EPN3: variants seen among roughly 807,000 people sequenced by gnomAD.
The protein encoded by EPN3 is epsin-3.
Under a neutral mutation model 55.5 loss-of-function variants are expected in EPN3, and 56 were observed. The observed-to-expected ratio is 1.01, with a 90% CI of 0.81 to 1.26. The LOEUF (loss-of-function observed/expected upper bound fraction) is 1.26, where lower values mean the gene tolerates loss of function less well. Among genes scored for constraint, EPN3 ranks in the 50% most tolerant of loss-of-function variants. The pLI, the probability that EPN3 is intolerant of heterozygous loss-of-function variation, is 0.00. For missense variants in EPN3, 927 were observed against 853.4 expected (o/e 1.09, Z -1.07); for synonymous variants, 449 against 375.2 (o/e 1.20, Z -2.27).
At chr17:50,537,336 T>A in intron 2 of EPN3, 1 of 589,424 alleles carries the variant, frequency 1.7e-6, no homozygotes, top group Non-Finnish European at 3.0e-6. Context: ...TTATCATTCG[T>A]TAGCTGCCTG....
rs1468272414 is a variant in EPN3 at position 50,541,323 on chromosome 17, C to A, written c.1344C>A (p.Ser448Arg). The A allele has an allele frequency of 1.2e-6, 2 of 1,612,212 alleles. No individual in the cohort carries two copies. Among genetic ancestry groups the A allele is most frequent in the African/African-American group, 2.7e-5 (2 of 74,918 alleles). The change falls in exon 8 of 10, where the codon AGC becomes AGA. Residue 448 changes from serine (S) to arginine (R), a missense_variant. Coordinates refer to ENST00000268933, the MANE Select transcript of EPN3 (RefSeq NM_017957.3). ...AGGCCCTGCCCTCTGGGAAGCCCAG[C>A]AGCCCTGTGGGTGAGCAGGGCAAGG... ...LEQALPSGKP[S>R]SPVELDLFGD...
chr17:50,535,021 G>A (rs1218118229), intron 1 of EPN3, among the ~76,000 whole-genome samples: 2 of 152,196 alleles, frequency 1.3e-5, no homozygotes, highest in East Asian at 1.9e-4. Flanking sequence ...GGTGGTCAGG[G>A]AATTCCTCTT....
chr17:50,535,805 CAATATG>C (rs2034751276), intron 1 of EPN3, among the ~76,000 whole-genome samples: 1 of 152,166 alleles, frequency 6.6e-6, no homozygotes, highest in Non-Finnish European at 1.5e-5. Flanking sequence ...CAAAAATTAA[CAATATG>C]AGAAAAGTGA....
chr17:50,540,829 G>A lies in EPN3; in HGVS notation c.1016G>A (p.Trp339Ter), dbSNP rs2034838322. The change falls in exon 7 of 10, where the codon TGG becomes TAG. Residue 339 changes from tryptophan to a stop codon, truncating the protein, a stop_gained. Transcript: ENST00000268933. LOFTEE classifies it high-confidence loss of function. Reference sequence around the variant, plus strand: ...AACACAGAGGCCAGTGGATCCTCCTGGGGGCCTTCTGCAGACCCCTGGTCT... The same window carrying A: ...AACACAGAGGCCAGTGGATCCTCCTAGGGGCCTTCTGCAGACCCCTGGTCT... Reference protein sequence around the residue: ...RPNTEASGSSWGPSADPWSPI... With the variant: ...RPNTEASGSS The A allele has an allele frequency of 1.2e-6, 2 of 1,613,610 alleles. No homozygotes were observed. Among genetic ancestry groups the A allele is most frequent in the African/African-American group, 2.7e-5 (2 of 74,932 alleles).
chr17:50,534,788 G>C (rs1230424398), intron 1 of EPN3: 1 of 406,724 alleles, frequency 2.5e-6, no homozygotes, highest in Non-Finnish European at 3.3e-6. Context: ...AGCACTGGCG[G>C]GGCTGGGGTG....
rs2034875965 is a variant in EPN3 at position 50,543,613 on chromosome 17, C to T, written c.*1456C>T. 1 of 152,220 alleles carries T rather than the reference C, an allele frequency of 6.6e-6. No individual in the cohort carries two copies. Among genetic ancestry groups the T allele is most frequent in the Admixed American group, 6.5e-5 (1 of 15,286 alleles). 9.4% of individuals were successfully genotyped at this position (152,220 alleles called of 1,614,324 possible). The stretch of plus-strand genomic sequence containing the variant: ...GGGAGTCCCACAATGCAGTTACAAA[C>T]AGGATGGACAAGAACACCTGCTCAG... On this transcript the variant is annotated 3_prime_UTR_variant, in exon 10 of 10. Coordinates refer to ENST00000268933, the MANE Select transcript of EPN3 (RefSeq NM_017957.3).
chr17:50,540,677 C>T, intron 6 of EPN3, 116 bp from the exon 7 acceptor site: 1 of 1,361,618 alleles, frequency 7.3e-7, no homozygotes, highest in Non-Finnish European at 1.0e-6. Context: ...CCTGAGGCTG[C>T]AGGCCATCTG....
chr17:50,541,883 G>A lies in EPN3; in HGVS notation c.1625G>A (p.Gly542Asp), dbSNP rs1196701174. Residue 542 changes from glycine (G) to aspartate (D), a missense_variant, in exon 10 of 10, where the codon GGC becomes GAC. Transcript: ENST00000268933. Reference sequence around the variant, plus strand: ...TCCCCCACCAACCCGTTCGGCGCGGGCGAGCCGGGCAGGCCGACGCTAAAC... The same window carrying A: ...TCCCCCACCAACCCGTTCGGCGCGGACGAGCCGGGCAGGCCGACGCTAAAC... ...APSPTNPFGA[G>D]EPGRPTLNQM... 1.9e-6 allele frequency: 3 copies of A among 1,607,996 alleles called. No homozygotes were observed. The highest frequency in any genetic ancestry group is 2.7e-5 in the African/African-American group (2 of 75,050).
chr17:50,533,490 G>A (rs964734594), intron 1 of EPN3, among the ~76,000 whole-genome samples: 2 of 152,180 alleles, frequency 1.3e-5, no homozygotes, highest in African/African-American at 2.4e-5. Flanking sequence ...AGCAGAGGAC[G>A]GGAAGAGGGT....
intron 1 of EPN3, chr17:50,534,386 G>C: frequency 2.0e-6 from 2 of 983,314 alleles, no homozygotes; most frequent in African/African-American, 1.7e-5. Context: ...GGCCAGGGCA[G>C]CCAGGTCCAG....
intron 1 of EPN3, among the ~76,000 whole-genome samples, 168 bp downstream of exon 1, chr17:50,533,153 G>A (rs1249838153): frequency 6.6e-5 from 10 of 151,176 alleles, no homozygotes; most frequent in African/African-American, 2.2e-4. Flanking sequence ...CCTCCCTGCC[G>A]CCCCCAAAAA....
At chr17:50,540,438 C>T (rs2034831251) in intron 6 of EPN3, 104 bp downstream of exon 6, 5 of 1,080,654 alleles carry the variant, frequency 4.6e-6, no homozygotes, top group South Asian at 1.5e-5. Context: ...TGAGTGTCAC[C>T]GGGCAAGTCA....
chr17:50,538,534 A>G, intron 3 of EPN3: 1 of 390,368 alleles, frequency 2.6e-6, no homozygotes, highest in South Asian at 6.2e-5. Context: ...CCCGCCCACC[A>G]GCTATCCTTT....
chr17:50,533,648 TCCC>T (rs894032539), intron 1 of EPN3, among the ~76,000 whole-genome samples: 1 of 151,904 alleles, frequency 6.6e-6, no homozygotes, highest in African/African-American at 2.4e-5. Context: ...ACTCTCCAGA[TCCC>T]CCCATCCTGC....
chr17:50,536,221 G>A (rs2034758384), intron 1 of EPN3, 200 bp from the exon 2 acceptor site: 3 of 330,668 alleles, frequency 9.1e-6, no homozygotes, highest in African/African-American at 6.3e-5. Context: ...AGCATCTTTG[G>A]GGTGTGGCTG....
At chr17:50,541,779 C>T in intron 9 of EPN3, 65 bp from the exon 10 acceptor site, 1 of 1,608,488 alleles carries the variant, frequency 6.2e-7, no homozygotes, top group Non-Finnish European at 8.5e-7. Flanking sequence ...TTCTTCCCAA[C>T]TTCCACGACC....
chr17:50,534,264 G>A (rs558262807), intron 1 of EPN3, among the ~76,000 whole-genome samples: 6 of 152,342 alleles, frequency 3.9e-5, no homozygotes, highest in Admixed American at 1.3e-4. Context: ...AGCCCCTGCA[G>A]GGGTGTGCAG....
Position 50,540,858 on chromosome 17 carries a change from A to T in EPN3, c.1045A>T (p.Ile349Phe), listed in dbSNP as rs1407646390. The T allele has an allele frequency of 2.5e-6, 4 of 1,614,064 alleles. No homozygotes were observed. Among genetic ancestry groups the T allele is most frequent in the Middle Eastern group, 3.3e-4 (2 of 6,060 alleles). The change falls in exon 7 of 10, where the codon ATC becomes TTC. Residue 349 changes from isoleucine to phenylalanine, a missense_variant. By Grantham distance (21) the Ile-to-Phe change is conservative. Coordinates refer to ENST00000268933, the MANE Select transcript of EPN3 (RefSeq NM_017957.3). ...WGPSADPWSP[I>F]PSGTVLSRSQ... ...GCCTTCTGCAGACCCCTGGTCTCCG[A>T]TCCCCTCAGGAACCGTCCTGTCCCG...
chr17:50,539,452 A>G, intron 5 of EPN3, 137 bp downstream of exon 5: 3 of 1,305,516 alleles, frequency 2.3e-6, no homozygotes, highest in Non-Finnish European at 3.1e-6. Context: ...GTGGGGGTGT[A>G]GCAGCCCTAG....
Sources: allele counts gnomAD v4.1 joint callset (sites outside exome capture counted in the v4.1 genomes callset), GRCh38; gene constraint gnomAD v4.1.1; transcripts MANE v1.5; gene names NCBI Gene and HGNC (gene_info 2026-07-23, HGNC 2026-07-21).